The following ESRRG variants were observed in gnomAD, a reference collection of about 807,000 sequenced individuals.
The protein encoded by ESRRG is estrogen related receptor gamma.
In ESRRG, 13 loss-of-function variants were observed where a neutral mutation model predicts 44.0. The ratio of observed to expected loss-of-function variants is 0.30; its 90% CI spans 0.19 to 0.47. The LOEUF (loss-of-function observed/expected upper bound fraction) is 0.47. ESRRG is among the 20% of genes least tolerant of loss of function. The pLI, the probability that ESRRG is intolerant of heterozygous loss-of-function variation, is 1.00. For synonymous variants in ESRRG, 215 were observed against 214.6 expected, an observed-to-expected ratio of 1.00 and a Z score of -0.02; for missense variants, 395 against 580.6, an observed-to-expected ratio of 0.68 and a Z score of 3.29.
At chr1:216,979,694 A>G (rs1253112445) in intron 1 of ESRRG, among the ~76,000 whole-genome samples, 1 of 152,142 alleles carries the variant, frequency 6.6e-6, no homozygotes, top group Admixed American at 6.6e-5. Context: ...AAATAAATGA[A>G]TTAATAGATG....
chr1:216,752,391 C>T (rs1269059827), intron 2 of ESRRG, among the ~76,000 whole-genome samples: 1 of 151,918 alleles, frequency 6.6e-6, no homozygotes, highest in Non-Finnish European at 1.5e-5. Context: ...AGGCACTCTG[C>T]AACAATTCAT....
chr1:217,117,673 C>A (rs2092749574), intron 1 of ESRRG, among the ~76,000 whole-genome samples: 1 of 152,056 alleles, frequency 6.6e-6, no homozygotes, highest in East Asian at 1.9e-4. Context: ...AAGCACTCAA[C>A]AAATACTTGA....
intron 1 of ESRRG, among the ~76,000 whole-genome samples, chr1:216,718,068 A>T (rs2085299650): frequency 6.6e-6 from 1 of 151,868 alleles, no homozygotes; most frequent in African/African-American, 2.4e-5. Context: ...AAAATTCTAA[A>T]ATCAGAAACA....
intron 2 of ESRRG, among the ~76,000 whole-genome samples, chr1:216,745,869 C>T (rs1383314210): frequency 6.6e-6 from 1 of 152,164 alleles, no homozygotes; most frequent in Admixed American, 6.5e-5. Context: ...ATGTATCAAA[C>T]TCATTCTGTA....
At chr1:216,700,455 T>C (rs932918832) in intron 1 of ESRRG, among the ~76,000 whole-genome samples, 1 of 152,166 alleles carries the variant, frequency 6.6e-6, no homozygotes, top group Admixed American at 6.5e-5. Flanking sequence ...GAAACTCACC[T>C]GAAATAGATT....
At chr1:216,544,229 A>G (rs938160985) in intron 5 of ESRRG, among the ~76,000 whole-genome samples, 2 of 152,102 alleles carry the variant, frequency 1.3e-5, no homozygotes, top group African/African-American at 4.8e-5. Context: ...ATAATTCAGA[A>G]CTGCAAAGTG....
chr1:216,747,366 A>C (rs1324233179), intron 2 of ESRRG, among the ~76,000 whole-genome samples: 1 of 152,154 alleles, frequency 6.6e-6, no homozygotes, highest in East Asian at 1.9e-4. Flanking sequence ...CAGTGTTCAT[A>C]TACCTCTTTG....
intron 2 of ESRRG, among the ~76,000 whole-genome samples, chr1:216,743,650 T>C (rs972580708): frequency 2.1e-5 from 3 of 145,986 alleles, no homozygotes; most frequent in African/African-American, 7.6e-5. Context: ...TCATCTTCAC[T>C]GTTGTCATCA....
At chr1:216,666,508 G>A (rs2073964649) in intron 2 of ESRRG, among the ~76,000 whole-genome samples, 1 of 152,170 alleles carries the variant, frequency 6.6e-6, no homozygotes, top group African/African-American at 2.4e-5. Context: ...GTCATGACTT[G>A]GTTCTGGGTT....
chr1:216,540,938 G>A (rs1484368940), intron 5 of ESRRG, among the ~76,000 whole-genome samples: 1 of 151,962 alleles, frequency 6.6e-6, no homozygotes, highest in African/African-American at 2.4e-5. Context: ...AGTTTTTCAA[G>A]ATGTTTCTTT....
chr1:216,568,159 T>C (rs1287057479), intron 3 of ESRRG, 61 bp from the exon 4 acceptor site: 7 of 1,123,478 alleles, frequency 6.2e-6, no homozygotes, highest in Non-Finnish European at 9.5e-6. Flanking sequence ...ACCAATCAAA[T>C]ACCTAGATGG....
intron 2 of ESRRG, among the ~76,000 whole-genome samples, chr1:216,888,272 TG>T (rs903415066): frequency 6.6e-6 from 1 of 152,206 alleles, no homozygotes; most frequent in African/African-American, 2.4e-5. Context: ...AATCCAATTC[TG>T]GGCTTCCTTT....
chr1:216,809,049 C>T (rs771509332), intron 2 of ESRRG, among the ~76,000 whole-genome samples: 1 of 152,102 alleles, frequency 6.6e-6, no homozygotes. Flanking sequence ...TATGTACTTT[C>T]GTACAGGGTG....
chr1:216,692,386 A>G (rs1462701518), intron 1 of ESRRG, among the ~76,000 whole-genome samples: 2 of 151,928 alleles, frequency 1.3e-5, no homozygotes, highest in Admixed American at 6.6e-5. Flanking sequence ...TAAAAAAAAA[A>G]TCTGAAAAAT....
chr1:217,114,197 C>CA (rs1308178679), intron 1 of ESRRG, among the ~76,000 whole-genome samples: 16 of 150,872 alleles, frequency 1.1e-4, no homozygotes, highest in Admixed American at 3.3e-4. Flanking sequence ...ATAACCAACA[C>CA]AAAAAAAAAT....
At chr1:216,725,488 T>C (rs1559423080), upstream of ESRRG, among the ~76,000 whole-genome samples, 1 of 152,122 alleles carries the variant, frequency 6.6e-6, no homozygotes, top group Non-Finnish European at 1.5e-5. Flanking sequence ...GTAATCATTT[T>C]ACAATTAAAA....
chr1:216,652,584 T>C (rs1330123322), intron 2 of ESRRG, among the ~76,000 whole-genome samples: 2 of 152,172 alleles, frequency 1.3e-5, no homozygotes, highest in African/African-American at 2.4e-5. Flanking sequence ...GCAACAACTT[T>C]TTAACAGGAG....
intron 2 of ESRRG, among the ~76,000 whole-genome samples, chr1:216,905,770 G>T (rs1054736802): frequency 9.2e-5 from 14 of 151,930 alleles, no homozygotes; most frequent in African/African-American, 2.9e-4. Context: ...TTGAAACAGG[G>T]TCTCACTTTG....
chr1:217,054,553 T>C (rs539031381), intron 1 of ESRRG, among the ~76,000 whole-genome samples: 1 of 152,272 alleles, frequency 6.6e-6, no homozygotes, highest in South Asian at 2.1e-4. Context: ...ACAGCATATT[T>C]CAGTATCTTC....
Sources: gnomAD v4.1 joint callset for allele counts (sites outside exome capture counted in the v4.1 genomes callset) on GRCh38, gnomAD v4.1.1 for gene constraint, MANE v1.5 for transcripts, NCBI Gene and HGNC (gene_info 2026-07-23, HGNC 2026-07-21) for gene names.